Variants in PDSS2 observed in about 807,000 individuals in gnomAD.
PDSS2 encodes all trans-polyprenyl-diphosphate synthase PDSS2.
A neutral mutation model predicts 44.5 loss-of-function variants in PDSS2; 31 were observed. That is an observed-to-expected ratio of 0.70 (90% CI 0.52 to 0.94). PDSS2 has a LOEUF of 0.94. Ranked by LOEUF, PDSS2 falls within the 40% of genes least tolerant of loss-of-function variation. The pLI, the probability that PDSS2 is intolerant of heterozygous loss-of-function variation, is 0.00. For missense variants in PDSS2, 452 were observed against 482.2 expected, an observed-to-expected ratio of 0.94 and a Z score of 0.59; for synonymous variants, 157 against 180.3, an observed-to-expected ratio of 0.87 and a Z score of 1.03.
At chr6:107,347,268 T>A (rs1014100955) in intron 1 of PDSS2, among the ~76,000 whole-genome samples, 10 of 143,048 alleles carry the variant, frequency 7.0e-5, no homozygotes, top group African/African-American at 2.7e-4. Context: ...TTTTTTTTTT[T>A]TTTTTTTTTT....
At chr6:107,234,708 A>C (rs1266842591) in intron 4 of PDSS2, among the ~76,000 whole-genome samples, 1 of 151,968 alleles carries the variant, frequency 6.6e-6, no homozygotes, top group African/African-American at 2.4e-5. Context: ...CAACTATATA[A>C]TCATGTTTTC....
intron 1 of PDSS2, among the ~76,000 whole-genome samples, chr6:107,335,102 A>G (rs1323775429): frequency 6.8e-6 from 1 of 147,504 alleles, no homozygotes; most frequent in Non-Finnish European, 1.5e-5. Context: ...CTGAGGCTGC[A>G]GTGAGCCATG....
At chr6:107,429,508 C>T (rs1344431046) in intron 1 of PDSS2, among the ~76,000 whole-genome samples, 2 of 152,094 alleles carry the variant, frequency 1.3e-5, no homozygotes, top group African/African-American at 2.4e-5. Flanking sequence ...TCTTTGGCCT[C>T]GAACTATTGA....
chr6:107,422,321 C>T (rs993935052), intron 1 of PDSS2, among the ~76,000 whole-genome samples: 2 of 151,870 alleles, frequency 1.3e-5, no homozygotes, highest in Non-Finnish European at 2.9e-5. Context: ...TAACATCTCT[C>T]AAGTTGGCAA....
chr6:107,337,500 T>C (rs1003741942), intron 1 of PDSS2, among the ~76,000 whole-genome samples: 1 of 152,236 alleles, frequency 6.6e-6, no homozygotes, highest in African/African-American at 2.4e-5. Flanking sequence ...AGTGTGACTC[T>C]AAGGCTATGA....
intron 2 of PDSS2, among the ~76,000 whole-genome samples, chr6:107,307,269 G>A (rs917172366): frequency 6.6e-6 from 1 of 152,118 alleles, no homozygotes. Flanking sequence ...CCTTCTCAAG[G>A]ACCTTAAAGC....
intron 1 of PDSS2, among the ~76,000 whole-genome samples, chr6:107,410,484 G>A (rs990128393): frequency 6.6e-6 from 1 of 151,754 alleles, no homozygotes; most frequent in Non-Finnish European, 1.5e-5. Context: ...TTTTTTGTTT[G>A]TTTGTTTGTT....
intron 2 of PDSS2, among the ~76,000 whole-genome samples, chr6:107,300,959 T>C (rs1291832936): frequency 6.6e-6 from 1 of 152,100 alleles, no homozygotes; most frequent in Non-Finnish European, 1.5e-5. Context: ...ACTCCCTGAG[T>C]CTTTTAATCA....
intron 1 of PDSS2, among the ~76,000 whole-genome samples, chr6:107,429,917 TATATATATATATATATATATAC>T (rs1562534330): frequency 2.1e-5 from 2 of 95,978 alleles, no homozygotes; most frequent in Admixed American, 1.0e-4. Flanking sequence ...TATATATATA[TATATATATATATATATATATAC>T]ACCAAACCCA....
At chr6:107,443,464 C>T (rs1389913425) in intron 1 of PDSS2, among the ~76,000 whole-genome samples, 3 of 152,106 alleles carry the variant, frequency 2.0e-5, no homozygotes, top group Admixed American at 6.5e-5. Flanking sequence ...TATTCATTTA[C>T]GCTGAATAAA....
intron 1 of PDSS2, among the ~76,000 whole-genome samples, chr6:107,341,612 A>C (rs757139963): frequency 3.3e-5 from 5 of 152,202 alleles, no homozygotes; most frequent in Non-Finnish European, 7.3e-5. Context: ...TGAGTAACCA[A>C]CATGAAGAAA....
chr6:107,315,165 A>G (rs1382828634), intron 2 of PDSS2, among the ~76,000 whole-genome samples: 1 of 152,210 alleles, frequency 6.6e-6, no homozygotes, highest in Non-Finnish European at 1.5e-5. Context: ...TTTATAGCAA[A>G]CCCACATTTA....
intron 3 of PDSS2, among the ~76,000 whole-genome samples, chr6:107,259,980 C>T (rs1045818025): frequency 5.9e-5 from 9 of 152,170 alleles, no homozygotes; most frequent in Non-Finnish European, 1.2e-4. Flanking sequence ...AGATTTCTGC[C>T]TGACTTTACA....
intron 1 of PDSS2, among the ~76,000 whole-genome samples, chr6:107,369,522 G>A (rs563005789): frequency 6.6e-6 from 1 of 152,136 alleles, no homozygotes; most frequent in Non-Finnish European, 1.5e-5. Flanking sequence ...AGTCCTTAGA[G>A]CTGAAATTAT....
chr6:107,405,661 A>C (rs1302460004), intron 1 of PDSS2, among the ~76,000 whole-genome samples: 1 of 151,664 alleles, frequency 6.6e-6, no homozygotes, highest in Non-Finnish European at 1.5e-5. Flanking sequence ...TCCCGGCTAA[A>C]ACGGTGAAAC....
chr6:107,166,738 G>A (rs1368633295), intron 7 of PDSS2, among the ~76,000 whole-genome samples: 1 of 152,178 alleles, frequency 6.6e-6, no homozygotes, highest in Non-Finnish European at 1.5e-5. Flanking sequence ...AGATAATCAT[G>A]TGGTTTTTGT....
rs865923004 is a variant in PDSS2 at position 107,225,157 on chromosome 6, A to T, written c.703-12875T>A. 6.2e-4 allele frequency among the ~76,000 whole-genome samples: 19 copies of T among 30,526 alleles called. 1 individual carries two copies. The highest frequency in any genetic ancestry group is 2.7e-3 in the African/African-American group (10 of 3,686). The allele number at this position is 30,526 out of a possible 152,430, so 20.0% of individuals were successfully genotyped here. On this transcript the variant is annotated intron_variant, in intron 4 of 7. Coordinates refer to ENST00000369037, the MANE Select transcript of PDSS2 (RefSeq NM_020381.4). ...TATTTTTATATATATATATATATAT[A>T]TATATTTTTTTTTTTTTTTTTTTTT...
At chr6:107,162,418 G>A (rs1554246844) in intron 7 of PDSS2, among the ~76,000 whole-genome samples, 3 of 144,326 alleles carry the variant, frequency 2.1e-5, no homozygotes, top group Non-Finnish European at 3.0e-5. Flanking sequence ...GCTTGAACAC[G>A]AGAGGTGGAG....
intron 7 of PDSS2, among the ~76,000 whole-genome samples, chr6:107,181,202 A>AT (rs1394257489): frequency 6.6e-6 from 1 of 152,244 alleles, no homozygotes; most frequent in African/African-American, 2.4e-5. Context: ...CTGAAGAAAA[A>AT]TAAAAGAGAT....
Sources: allele counts gnomAD v4.1 joint callset (sites outside exome capture counted in the v4.1 genomes callset), GRCh38; gene constraint gnomAD v4.1.1; transcripts MANE v1.5; gene names NCBI Gene and HGNC (gene_info 2026-07-23, HGNC 2026-07-21).